PRH1: variants seen among roughly 807,000 people sequenced by gnomAD.
PRH1 encodes the protein salivary acidic proline-rich phosphoprotein 1/2.
Under a neutral mutation model 7.9 loss-of-function variants are expected in PRH1, and 7 were observed. The ratio of observed to expected loss-of-function variants is 0.89; its 90% CI spans 0.50 to 1.67. The LOEUF is 1.67. PRH1 is among the 40% of genes most tolerant of loss of function. The pLI, the probability that PRH1 is intolerant of heterozygous loss-of-function variation, is 0.00. For missense variants in PRH1, 109 were observed against 223.6 expected (o/e 0.49, Z 3.27); for synonymous variants, 45 against 80.8 (o/e 0.56, Z 2.38).
intron 1 of PRH1, among the ~76,000 whole-genome samples, chr12:11,092,571 T>G (rs1944959674): frequency 8.6e-6 from 1 of 115,678 alleles, no homozygotes; most frequent in South Asian, 2.4e-4. Flanking sequence ...TGGCTACTTT[T>G]AGGATCCTGT....
chr12:11,070,245 T>A (rs1269111371), intron 1 of PRH1, among the ~76,000 whole-genome samples: 6 of 152,154 alleles, frequency 3.9e-5, no homozygotes, highest in African/African-American at 1.4e-4. Flanking sequence ...GGCATGCGTG[T>A]TAAGAGAGAA....
At chr12:10,888,708 G>A (rs535216472), upstream of PRH1, among the ~76,000 whole-genome samples, 45 of 152,150 alleles carry the variant, frequency 3.0e-4, no homozygotes, top group African/African-American at 7.0e-4. Context: ...TAGTTGATCC[G>A]TATAATTTTT....
At chr12:11,133,984 G>A in intron 1 of PRH1, 2 of 1,614,102 alleles carry the variant, frequency 1.2e-6, no homozygotes, top group Non-Finnish European at 1.7e-6. Context: ...TTACTGCCCA[G>A]ACATTATAAG....
chr12:10,910,766 G>A (rs10772387), intron 2 of PRH1, among the ~76,000 whole-genome samples: 74,642 of 151,968 alleles, frequency 0.49, 20,763 homozygotes, highest in East Asian at 0.72. Context: ...ACTTTATCTT[G>A]ATTATAAGAT....
chr12:11,085,317 C>T (rs1301717014), intron 1 of PRH1, among the ~76,000 whole-genome samples: 3 of 148,358 alleles, frequency 2.0e-5, no homozygotes. Context: ...TAAAAGGACT[C>T]AAAGAAAATA....
At chr12:10,951,132 AAAC>A (rs914315998) in intron 2 of PRH1, among the ~76,000 whole-genome samples, 2 of 152,186 alleles carry the variant, frequency 1.3e-5, no homozygotes, top group African/African-American at 4.8e-5. Context: ...CCTACTATTT[AAAC>A]AACGTCTCTT....
At chr12:11,033,983 C>T (rs1394871665) in intron 1 of PRH1, among the ~76,000 whole-genome samples, 3 of 150,480 alleles carry the variant, frequency 2.0e-5, no homozygotes, top group South Asian at 2.1e-4. Context: ...AACCCTTCTT[C>T]GCATCTCCTG....
chr12:10,927,896 C>A (rs1457206335), intron 2 of PRH1, among the ~76,000 whole-genome samples: 2 of 152,120 alleles, frequency 1.3e-5, no homozygotes, highest in Non-Finnish European at 2.9e-5. Context: ...CAGGGAATTT[C>A]TAGGTATCAC....
chr12:11,030,226 A>C (rs74719547), intron 1 of PRH1, among the ~76,000 whole-genome samples: 783 of 107,430 alleles, frequency 7.3e-3, no homozygotes, highest in Admixed American at 9.0e-3. Flanking sequence ...TACACACATA[A>C]ACACACACAT....
upstream of PRH1, chr12:11,047,192 T>C (rs956581123): frequency 1.1e-5 from 4 of 355,020 alleles, no homozygotes; most frequent in Admixed American, 3.1e-5. Flanking sequence ...GGAGAACCTA[T>C]GTCAAGAAAC....
chr12:11,046,907 T>C (rs1389854139), intron 1 of PRH1: 7 of 411,104 alleles, frequency 1.7e-5, no homozygotes, highest in East Asian at 7.4e-5. Flanking sequence ...GGGGAGAATA[T>C]TGGCATCATC....
chr12:11,144,136 G>A (rs1417049493), intron 1 of PRH1, among the ~76,000 whole-genome samples: 1 of 152,148 alleles, frequency 6.6e-6, no homozygotes, highest in African/African-American at 2.4e-5. Context: ...GGCAGTGGGT[G>A]TGGCCCTAGA....
chr12:11,005,497 A>G (rs757571974), intron 1 of PRH1, among the ~76,000 whole-genome samples: 1 of 152,120 alleles, frequency 6.6e-6, no homozygotes, highest in African/African-American at 2.4e-5. Context: ...GATTTATGTA[A>G]ACAGAATCCA....
intron 2 of PRH1, among the ~76,000 whole-genome samples, chr12:10,919,007 T>C (rs58836988): frequency 0.024 from 3,658 of 152,250 alleles, 93 homozygotes; most frequent in East Asian, 0.064. Flanking sequence ...TTAAATGTAC[T>C]CTGCCTTTAA....
chr12:11,133,267 C>T, intron 1 of PRH1: 1 of 1,583,804 alleles, frequency 6.3e-7, no homozygotes, highest in Non-Finnish European at 8.6e-7. Flanking sequence ...GTTTCATACA[C>T]CACCAGTTTG....
chr12:11,118,373 T>C (rs952671540), downstream of PRH1, among the ~76,000 whole-genome samples: 2 of 152,126 alleles, frequency 1.3e-5, no homozygotes, highest in African/African-American at 4.8e-5. Flanking sequence ...AAATAAGATA[T>C]CATCTCATCC....
At chr12:11,156,484 C>T (rs988961454) in intron 1 of PRH1, among the ~76,000 whole-genome samples, 2 of 152,132 alleles carry the variant, frequency 1.3e-5, no homozygotes, top group African/African-American at 4.8e-5. Flanking sequence ...TATGTTAAGC[C>T]TTTCTGACTG....
chr12:11,101,210 C>T (rs1350337750), intron 1 of PRH1, among the ~76,000 whole-genome samples: 2 of 152,070 alleles, frequency 1.3e-5, no homozygotes, highest in Non-Finnish European at 2.9e-5. Context: ...TGTTTTGGGC[C>T]AGGTGTGGTG....
intron 2 of PRH1, among the ~76,000 whole-genome samples, chr12:10,904,755 G>A (rs1246562890): frequency 6.6e-6 from 1 of 152,086 alleles, no homozygotes; most frequent in Admixed American, 6.6e-5. Flanking sequence ...CCTATAGAAT[G>A]TAAGATTTGC....
Sources: allele counts gnomAD v4.1 joint callset (sites outside exome capture counted in the v4.1 genomes callset), GRCh38; gene constraint gnomAD v4.1.1; transcripts MANE v1.5; gene names NCBI Gene and HGNC (gene_info 2026-07-23, HGNC 2026-07-21).